DMD: variants seen among roughly 807,000 people sequenced by gnomAD.
DMD encodes the protein dystrophin.
DMD carries 63 observed loss-of-function variants against 330.1 expected under a neutral mutation model. The observed-to-expected ratio is 0.19, with a 90% CI of 0.16 to 0.24. DMD has a LOEUF of 0.24. DMD is among the 10% of genes least tolerant of loss of function. The pLI, the probability that DMD is intolerant of heterozygous loss-of-function variation, is 1.00. For synonymous variants in DMD, 1,223 were observed against 959.8 expected, an observed-to-expected ratio of 1.27 and a Z score of -5.07; for missense variants, 3,344 against 2,684.1, an observed-to-expected ratio of 1.25 and a Z score of -5.43.
intron 76 of DMD, among the ~76,000 whole-genome samples, chrX:31,138,624 G>GGAGAGAGAGA (rs1175532244): frequency 3.4e-5 from 2 of 58,760 alleles, no homozygotes; most frequent in Non-Finnish European, 6.0e-5. Context: ...CATGGCAGCA[G>GGAGAGAGAGA]GAGAGAGAGA....
chrX:32,942,703 T>A (rs2090514657), intron 2 of DMD, among the ~76,000 whole-genome samples: 1 of 112,214 alleles, frequency 8.9e-6, no homozygotes, highest in African/African-American at 3.2e-5. Flanking sequence ...GGTGCTATAA[T>A]AATAGTGTAC....
intron 62 of DMD, among the ~76,000 whole-genome samples, chrX:31,292,994 G>A (rs1359604520): frequency 1.8e-5 from 2 of 110,874 alleles, no homozygotes; most frequent in Non-Finnish European, 1.9e-5. Context: ...GTAGGGTGGT[G>A]ATTTCTGAGG....
rs186467564 is a variant in DMD at position 31,495,788 on chromosome X, T to C, written c.8547+1000A>G. Among the ~76,000 whole-genome samples, 695 of 111,441 alleles carry C rather than the reference T, an allele frequency of 6.2e-3. 3 individuals carry two copies. Among genetic ancestry groups the C allele is most frequent in the African/African-American group, 0.022 (663 of 30,705 alleles). On this transcript the variant is annotated intron_variant, in intron 57 of 78. Coordinates refer to ENST00000357033, the MANE Select transcript of DMD (RefSeq NM_004006.3). ...CCTAGCCACTGATCGTGAACAGCTA[T>C]TAAACATCACACAAAAAGAGAAAAC...
chrX:33,019,956 T>C (rs72470534), intron 2 of DMD, among the ~76,000 whole-genome samples, 183 bp downstream of exon 2: 1 of 111,712 alleles, frequency 9.0e-6, no homozygotes, highest in African/African-American at 3.2e-5. Context: ...AGTGTATCTT[T>C]GCCATATCTT....
chrX:32,092,301 C>T (rs1202549431), intron 44 of DMD, among the ~76,000 whole-genome samples: 2 of 111,775 alleles, frequency 1.8e-5, no homozygotes, highest in African/African-American at 6.5e-5. Context: ...TATGAAACTC[C>T]TATTACATTT....
intron 9 of DMD, among the ~76,000 whole-genome samples, chrX:32,654,303 T>C (rs1483237786): frequency 8.9e-6 from 1 of 111,885 alleles, no homozygotes; most frequent in African/African-American, 3.3e-5. Context: ...TACATAGCTC[T>C]TATTATTTTA....
chrX:32,398,805 T>C (rs1358820047), intron 30 of DMD, among the ~76,000 whole-genome samples: 1 of 111,519 alleles, frequency 9.0e-6, no homozygotes, highest in Non-Finnish European at 1.9e-5. Context: ...CAAAAAAGAA[T>C]GAAACTGGAG....
chrX:32,553,851 C>T (rs2049867048), intron 16 of DMD, among the ~76,000 whole-genome samples: 1 of 111,794 alleles, frequency 8.9e-6, no homozygotes, highest in Non-Finnish European at 1.9e-5. Flanking sequence ...TGCTGCTCTC[C>T]TGATAAGAGT....
chrX:33,009,339 C>CATAT (rs772630824), intron 2 of DMD, among the ~76,000 whole-genome samples: 1 of 22,650 alleles, frequency 4.4e-5, no homozygotes, highest in Admixed American at 4.1e-4. Context: ...TGTATATACA[C>CATAT]GTGTATATAC....
chrX:32,431,942 G>A (rs2098240070), intron 29 of DMD, among the ~76,000 whole-genome samples: 1 of 110,595 alleles, frequency 9.0e-6, no homozygotes, highest in Non-Finnish European at 1.9e-5. Context: ...GGACACTGAG[G>A]GCACTTTTCA....
At chrX:31,746,078 C>T (rs1481243748) in intron 51 of DMD, among the ~76,000 whole-genome samples, 1 of 112,243 alleles carries the variant, frequency 8.9e-6, no homozygotes, top group African/African-American at 3.2e-5. Context: ...AAAGTCAAAG[C>T]TAACAAAACA....
At chrX:32,760,083 C>G (rs757513983) in intron 7 of DMD, among the ~76,000 whole-genome samples, 80 of 95,996 alleles carry the variant, frequency 8.3e-4, no homozygotes, top group African/African-American at 2.8e-3. Flanking sequence ...ATACTTTTGA[C>G]TCTTGTAATT....
chrX:32,510,895 T>C (rs992080093), intron 18 of DMD, among the ~76,000 whole-genome samples: 3 of 111,046 alleles, frequency 2.7e-5, no homozygotes, highest in Non-Finnish European at 5.7e-5. Flanking sequence ...AAGAGTACCA[T>C]ATACAATCCA....
At chrX:32,587,295 C>A (rs774628436) in intron 13 of DMD, among the ~76,000 whole-genome samples, 76 of 111,318 alleles carry the variant, frequency 6.8e-4, no homozygotes, top group Non-Finnish European at 1.1e-3. Flanking sequence ...CCTTTGTAAC[C>A]TGTGTGATAC....
intron 7 of DMD, among the ~76,000 whole-genome samples, chrX:32,786,717 GGAA>G (rs1219283979): frequency 9.0e-6 from 1 of 111,725 alleles, no homozygotes; most frequent in African/African-American, 3.3e-5. Flanking sequence ...AAATATTCAT[GGAA>G]GAAGAGAGGA....
intron 1 of DMD, among the ~76,000 whole-genome samples, chrX:33,193,389 C>T (rs2050762653): frequency 8.9e-6 from 1 of 112,359 alleles, no homozygotes; most frequent in Non-Finnish European, 1.9e-5. Flanking sequence ...TTTGGAACCA[C>T]TCTGAAGCTA....
chrX:31,709,584 CTGTGTGTGTGTGTGTG>C (rs55768943), intron 52 of DMD, among the ~76,000 whole-genome samples: 2 of 94,040 alleles, frequency 2.1e-5, no homozygotes, highest in Non-Finnish European at 4.3e-5. Flanking sequence ...CTCTCTCTGT[CTGTGTGTGTGTGTGTG>C]TGTGTGTGTG....
chrX:32,386,502 A>G lies in DMD; in HGVS notation c.4519-37T>C, dbSNP rs749284207. 2.4e-5 allele frequency: 26 copies of G among 1,084,641 alleles called. No individual in the cohort carries two copies. In the South Asian group the frequency reaches 4.1e-4, roughly 17 times the overall value. The allele number at this position is 1,084,641 out of a possible 1,213,427, so 89.4% of individuals were successfully genotyped here. On this transcript the variant is annotated intron_variant, in intron 32 of 78. Transcript: ENST00000357033. ...CATAAAACAAAACATGATAATCAGT[A>G]GAGTTAAATTATTTCATAATATTAT...
chrX:31,877,049 ATGAACAGTACAT>A (rs1810451741), intron 47 of DMD, among the ~76,000 whole-genome samples: 1 of 112,213 alleles, frequency 8.9e-6, no homozygotes, highest in African/African-American at 3.2e-5. Flanking sequence ...TAAGTCACTA[ATGAACAGTACAT>A]TGTTTAATTG....
Sources: gnomAD v4.1 joint callset for allele counts (sites outside exome capture counted in the v4.1 genomes callset) on GRCh38, gnomAD v4.1.1 for gene constraint, MANE v1.5 for transcripts, NCBI Gene and HGNC (gene_info 2026-07-23, HGNC 2026-07-21) for gene names.